The following SH3PXD2A variants were observed in gnomAD, a reference collection of about 807,000 sequenced individuals.
The protein encoded by SH3PXD2A is SH3 and PX domain-containing protein 2A.
SH3PXD2A carries 32 observed loss-of-function variants against 115.2 expected under a neutral mutation model. The observed-to-expected ratio is 0.28, with a 90% CI of 0.21 to 0.37. The LOEUF (loss-of-function observed/expected upper bound fraction) is 0.37, where lower values mean the gene tolerates loss of function less well. SH3PXD2A is among the 10% of genes least tolerant of loss of function. SH3PXD2A has a pLI of 1.00. For missense variants in SH3PXD2A, 1,328 were observed against 1,498.7 expected (o/e 0.89, Z 1.88); for synonymous variants, 610 against 629.1 (o/e 0.97, Z 0.45).
intron 5 of SH3PXD2A, among the ~76,000 whole-genome samples, chr10:103,706,875 A>T (rs2037987087): frequency 6.6e-6 from 1 of 152,138 alleles, no homozygotes; most frequent in Non-Finnish European, 1.5e-5. Context: ...CAGATGGGTC[A>T]GCAAGTGCAG....
intron 8 of SH3PXD2A, among the ~76,000 whole-genome samples, chr10:103,634,990 C>T (rs2036843062): frequency 6.6e-6 from 1 of 152,148 alleles, no homozygotes. Flanking sequence ...ACTAGAGGGT[C>T]AGCACCCACG....
chr10:103,793,959 A>T (rs1349541120), intron 2 of SH3PXD2A, among the ~76,000 whole-genome samples: 1 of 152,240 alleles, frequency 6.6e-6, no homozygotes, highest in Admixed American at 6.5e-5. Flanking sequence ...TAGAAAAATT[A>T]ACACAGTTTG....
intron 3 of SH3PXD2A, among the ~76,000 whole-genome samples, chr10:103,751,321 G>T (rs1429637461): frequency 1.3e-5 from 2 of 152,166 alleles, no homozygotes; most frequent in Admixed American, 1.3e-4. Flanking sequence ...GGGATATATA[G>T]ATTTGTTTCC....
At chr10:103,822,595 C>T (rs531902240) in intron 1 of SH3PXD2A, among the ~76,000 whole-genome samples, 1 of 152,238 alleles carries the variant, frequency 6.6e-6, no homozygotes, top group African/African-American at 2.4e-5. Context: ...CCCCAGGAAG[C>T]CTGGAGCAAG....
intron 5 of SH3PXD2A, among the ~76,000 whole-genome samples, chr10:103,701,759 C>CCATCCAGCCATCATT (rs1554913083): frequency 7.2e-6 from 1 of 139,456 alleles, no homozygotes. Flanking sequence ...CGTCCATCAT[C>CCATCCAGCCATCATT]CATCCAGCCA....
chr10:103,670,747 G>A (rs1480150876), intron 6 of SH3PXD2A, among the ~76,000 whole-genome samples: 2 of 152,222 alleles, frequency 1.3e-5, no homozygotes, highest in African/African-American at 4.8e-5. Context: ...CAGCCTCCTT[G>A]GGGAGCAGGA....
chr10:103,661,155 C>G, intron 7 of SH3PXD2A, 41 bp from the exon 8 acceptor site: 2 of 1,601,236 alleles, frequency 1.2e-6, no homozygotes, highest in Non-Finnish European at 1.7e-6. Context: ...AGCGGCCAGC[C>G]ATGGCCCCGC....
intron 1 of SH3PXD2A, among the ~76,000 whole-genome samples, chr10:103,845,060 A>T (rs1269854993): frequency 1.3e-5 from 2 of 152,080 alleles, no homozygotes; most frequent in African/African-American, 4.8e-5. Flanking sequence ...GTGGTGGCTC[A>T]CACCTGTAAT....
At chr10:103,765,539 C>G (rs79805073) in intron 3 of SH3PXD2A, among the ~76,000 whole-genome samples, 3,234 of 152,356 alleles carry the variant, frequency 0.021, 118 homozygotes, top group African/African-American at 0.073. Context: ...ACAGGCTGAG[C>G]CCTGGTAAAC....
At chr10:103,848,055 T>A (rs1399208641) in intron 1 of SH3PXD2A, among the ~76,000 whole-genome samples, 2 of 152,152 alleles carry the variant, frequency 1.3e-5, no homozygotes, top group Non-Finnish European at 2.9e-5. Context: ...CTGTGAGGTA[T>A]TGGCCCCCAG....
At chr10:103,622,420 G>A (rs2036620365) in intron 10 of SH3PXD2A, 50 bp downstream of exon 10, 2 of 1,203,248 alleles carry the variant, frequency 1.7e-6, no homozygotes, top group Non-Finnish European at 2.4e-6. Flanking sequence ...CAGTGTTAGC[G>A]AGAGACAGGC....
intron 2 of SH3PXD2A, among the ~76,000 whole-genome samples, chr10:103,789,557 A>AC (rs1491215292): frequency 0.011 from 1,572 of 137,596 alleles, 32 homozygotes; most frequent in African/African-American, 0.035. Flanking sequence ...ACACACACAC[A>AC]ACACTCACCT....
intron 6 of SH3PXD2A, among the ~76,000 whole-genome samples, chr10:103,685,211 C>T (rs969567901): frequency 5.9e-5 from 9 of 151,638 alleles, no homozygotes; most frequent in Admixed American, 3.3e-4. Flanking sequence ...TGGTGGCGGA[C>T]GCCTATAATT....
intron 5 of SH3PXD2A, among the ~76,000 whole-genome samples, chr10:103,701,880 A>G (rs2037915245): frequency 6.8e-6 from 1 of 147,062 alleles, no homozygotes; most frequent in South Asian, 2.2e-4. Context: ...TCCATCTATC[A>G]TCCATCCATC....
chr10:103,656,357 C>T (rs2037211613), intron 8 of SH3PXD2A, among the ~76,000 whole-genome samples: 1 of 152,228 alleles, frequency 6.6e-6, no homozygotes, highest in African/African-American at 2.4e-5. Flanking sequence ...CAGATTCAAA[C>T]TTCGAATTCT....
chr10:103,696,585 G>A (rs2037827505), intron 5 of SH3PXD2A, among the ~76,000 whole-genome samples: 1 of 152,098 alleles, frequency 6.6e-6, no homozygotes, highest in Non-Finnish European at 1.5e-5. Flanking sequence ...CCACCCTGCC[G>A]GTGACTCCAC....
At chr10:103,682,937 C>A (rs1023444912) in intron 6 of SH3PXD2A, among the ~76,000 whole-genome samples, 1 of 152,062 alleles carries the variant, frequency 6.6e-6, no homozygotes, top group Non-Finnish European at 1.5e-5. Flanking sequence ...AGGACAAGAA[C>A]GCCTCGGAAA....
chr10:103,814,584 C>T (rs1184148978), intron 1 of SH3PXD2A, among the ~76,000 whole-genome samples: 1 of 152,130 alleles, frequency 6.6e-6, no homozygotes, highest in East Asian at 1.9e-4. Context: ...GGGCAAGGGA[C>T]GAGTGACCAC....
chr10:103,645,063 C>T (rs1487022905), intron 8 of SH3PXD2A, among the ~76,000 whole-genome samples: 1 of 152,168 alleles, frequency 6.6e-6, no homozygotes, highest in African/African-American at 2.4e-5. Context: ...GTGATGTTCC[C>T]CTGACTCCCC....
Sources: gnomAD v4.1 joint callset for allele counts (sites outside exome capture counted in the v4.1 genomes callset) on GRCh38, gnomAD v4.1.1 for gene constraint, MANE v1.5 for transcripts, NCBI Gene and HGNC (gene_info 2026-07-23, HGNC 2026-07-21) for gene names.